Variants in COL5A1 observed in about 807,000 individuals in gnomAD.
The protein encoded by COL5A1 is collagen alpha-1(V) chain.
In COL5A1, 16 loss-of-function variants were observed where a neutral mutation model predicts 263.7. The observed-to-expected ratio is 0.06, with a 90% confidence interval of 0.04 to 0.09. COL5A1 has a LOEUF of 0.09. COL5A1 is among the 10% of genes least tolerant of loss of function. The pLI, the probability that COL5A1 is intolerant of heterozygous loss-of-function variation, is 1.00. For missense variants in COL5A1, 2,036 were observed against 2,540.5 expected (o/e 0.80, Z 4.27); for synonymous variants, 1,012 against 1,004.5 (o/e 1.01, Z -0.14).
chr9:134,752,733 G>T, intron 14 of COL5A1, 88 bp downstream of exon 14: 1 of 1,060,238 alleles, frequency 9.4e-7, no homozygotes, highest in East Asian at 2.5e-5. Context: ...AGGTGGCCCT[G>T]GGGTCCTGTG....
At chr9:134,822,778 C>A (rs1443865706) in intron 59 of COL5A1, 7 of 632,710 alleles carry the variant, frequency 1.1e-5, no homozygotes, top group South Asian at 1.1e-4. Context: ...GTAGGCTGGC[C>A]GGGGGCAGGT....
At chr9:134,730,852 G>A (rs1834854007) in intron 7 of COL5A1, among the ~76,000 whole-genome samples, 1 of 152,198 alleles carries the variant, frequency 6.6e-6, no homozygotes, top group Non-Finnish European at 1.5e-5. Flanking sequence ...CAGGCAGGAT[G>A]GGGCTGGGAG....
intron 4 of COL5A1, chr9:134,709,312 G>A: frequency 4.9e-6 from 1 of 206,036 alleles, no homozygotes; most frequent in Non-Finnish European, 8.9e-6. Flanking sequence ...GCTGAGGAGG[G>A]GTGGGGGGGC....
chr9:134,733,997 T>A (rs769975045), intron 9 of COL5A1, among the ~76,000 whole-genome samples: 12 of 152,110 alleles, frequency 7.9e-5, no homozygotes, highest in Non-Finnish European at 1.5e-4. Context: ...CAGTTCGGTT[T>A]CCCCTCCCCG....
rs10121103 is a variant in COL5A1, at chr9:134,754,142, C to T, written c.1774-131C>T. The T allele has an allele frequency of 0.053, 52,738 of 992,216 alleles. 1,846 individuals are homozygous for T. The highest frequency in any genetic ancestry group is 0.13 in the African/African-American group (8,123 of 63,100). The allele number at this position is 992,216 out of a possible 1,614,324, so 61.5% of individuals were successfully genotyped here. On this transcript the variant is annotated intron_variant, in intron 15 of 65. Coordinates refer to ENST00000371817, the MANE Select transcript of COL5A1 (RefSeq NM_000093.5). This position sits in a 1 kb window ranked among gnomAD's most constrained non-coding sequence, Gnocchi z 4.3. Reference sequence around the variant, plus strand: ...GGGCAGCAGATCCGTGTCCCGTCCCCGAAGTGCCCACATGTTTGTGGCTTG... The same window carrying T: ...GGGCAGCAGATCCGTGTCCCGTCCCTGAAGTGCCCACATGTTTGTGGCTTG...
intron 37 of COL5A1, among the ~76,000 whole-genome samples, chr9:134,801,625 A>G (rs1838117229): frequency 6.6e-6 from 1 of 152,134 alleles, no homozygotes; most frequent in South Asian, 2.1e-4. Flanking sequence ...TGTCTCTACT[A>G]AAAATACAAA....
At chr9:134,704,757 G>A (rs1009283276) in intron 4 of COL5A1, among the ~76,000 whole-genome samples, 2 of 151,718 alleles carry the variant, frequency 1.3e-5, no homozygotes, top group African/African-American at 4.8e-5. Context: ...AGTCCAGCAG[G>A]ATCAGCGATG....
intron 4 of COL5A1, among the ~76,000 whole-genome samples, chr9:134,702,568 G>A (rs956250715): frequency 3.3e-5 from 5 of 152,228 alleles, no homozygotes; most frequent in African/African-American, 4.8e-5. Context: ...GACATCACAC[G>A]TACTAGTTCA....
rs1027138472 is a variant in COL5A1, at chr9:134,678,484, G to A, written c.110-12428G>A. ...GTGTCCCTGACTCAGGGGTCCCATC[G>A]GCAGGTGTGTTGGCTGGTGCCAGCC... On this transcript the variant is annotated intron_variant, in intron 1 of 65. Coordinates refer to ENST00000371817, the MANE Select transcript of COL5A1 (RefSeq NM_000093.5). This position sits in a 1 kb window ranked among gnomAD's most constrained non-coding sequence, Gnocchi z 5.5. 2.0e-5 allele frequency among the ~76,000 whole-genome samples: 3 copies of A among 152,332 alleles called. No individual in the cohort carries two copies. In the East Asian group the frequency reaches 5.8e-4, roughly 29 times the overall value.
At chr9:134,708,180 T>C (rs1319140693) in intron 4 of COL5A1, among the ~76,000 whole-genome samples, 5 of 152,072 alleles carry the variant, frequency 3.3e-5, no homozygotes, top group African/African-American at 1.2e-4. Flanking sequence ...ACTTCGGACA[T>C]GAGATGGATG....
chr9:134,757,429 T>C lies in COL5A1; in HGVS notation c.1881+611T>C, dbSNP rs920689092. Among the ~76,000 whole-genome samples the C allele has an allele frequency of 6.6e-6, 1 of 152,162 alleles. No homozygotes were observed. The highest frequency in any genetic ancestry group is 2.4e-5 in the African/African-American group (1 of 41,434). On this transcript the variant is annotated intron_variant, in intron 17 of 65. Transcript: ENST00000371817. This position sits in a 1 kb window ranked among gnomAD's most constrained non-coding sequence, Gnocchi z 6.2. ...ACGGGGGGCAGGGGAGATACTGACC[T>C]TCCGTGAAGAGTGCACCTGGGGACA...
At chr9:134,743,692 G>A (rs1475765077) in intron 11 of COL5A1, among the ~76,000 whole-genome samples, 1 of 152,218 alleles carries the variant, frequency 6.6e-6, no homozygotes, top group Admixed American at 6.5e-5. Context: ...ATGTGCAGAA[G>A]CAGCCTGGCA....
At position 134,843,901 on chromosome 9, in the gene COL5A1, C is replaced by CGGGGCGGGTGA. The variant is rs1830172578; in HGVS notation, c.*1601_*1611dup. 1 of 152,490 alleles carries CGGGGCGGGTGA rather than the reference C, an allele frequency of 6.6e-6. No homozygotes were observed. The highest frequency in any genetic ancestry group is 2.1e-4 in the South Asian group (1 of 4,828). 9.4% of individuals were successfully genotyped at this position (152,490 alleles called of 1,614,324 possible). On this transcript the variant is annotated 3_prime_UTR_variant, in exon 66 of 66. Coordinates refer to ENST00000371817, the MANE Select transcript of COL5A1 (RefSeq NM_000093.5). ...TGCGAGCGTCAGCGGCTCCAGAGCT[C>CGGGGCGGGTGA]GGGGCGGGTGAGGTCCCCTTTGGGG... is the stretch of plus-strand genomic sequence containing the variant.
At chr9:134,782,986 AG>A (rs1483936537) in intron 29 of COL5A1, among the ~76,000 whole-genome samples, 1 of 152,162 alleles carries the variant, frequency 6.6e-6, no homozygotes, top group Non-Finnish European at 1.5e-5. Flanking sequence ...TGTCCCACAC[AG>A]GGGGTCAGTG....
At chr9:134,674,209 GTATGTGAGCACTCATGTGCTGTGT>G (rs1023563754) in intron 1 of COL5A1, among the ~76,000 whole-genome samples, 5 of 152,186 alleles carry the variant, frequency 3.3e-5, no homozygotes, top group African/African-American at 1.2e-4. Flanking sequence ...ACAGAGACAT[GTATGTGAGCACTCATGTGCTGTGT>G]TATTGCAATA....
Position 134,758,156 on chromosome 9 carries a change from G to T in COL5A1, c.1882-87G>T. ...TGCTGTGTGAAACGTGGTCCAAGGCGGGGCGGCCATCACTTGGTGGACACC... is the reference window on the plus strand; with the variant it reads ...TGCTGTGTGAAACGTGGTCCAAGGCTGGGCGGCCATCACTTGGTGGACACC... On this transcript the variant is annotated intron_variant, in intron 17 of 65. Transcript: ENST00000371817. This position sits in a 1 kb window ranked among gnomAD's most constrained non-coding sequence, Gnocchi z 4.1. 2 of 1,370,914 alleles carry T rather than the reference G, an allele frequency of 1.5e-6. No homozygotes were observed. Among genetic ancestry groups the T allele is most frequent in the Non-Finnish European group, 2.1e-6 (2 of 960,600 alleles). The allele number at this position is 1,370,914 out of a possible 1,614,324, so 84.9% of individuals were successfully genotyped here. A position where few individuals can be genotyped will look rare whatever the true frequency, so the allele number is the denominator to read the frequency against.
intron 62 of COL5A1, 102 bp downstream of exon 62, chr9:134,824,957 A>T (rs944501095): frequency 8.2e-6 from 12 of 1,456,452 alleles, no homozygotes; most frequent in Middle Eastern, 4.8e-4. Flanking sequence ...AGCGGAAGGG[A>T]CAGGACGGGC....
At chr9:134,835,320 G>A (rs1018061669) in intron 65 of COL5A1, 116 bp downstream of exon 65, 38 of 901,436 alleles carry the variant, frequency 4.2e-5, no homozygotes, top group Non-Finnish European at 5.2e-5. Flanking sequence ...TGAGGGCCCC[G>A]GACCAGACTC....
In COL5A1 at chr9:134,758,255, T is replaced by G; in HGVS notation, c.1894T>G (p.Phe632Val). ...GQTGPKGDRG[F>V]DGLAGLPGEK... ...GTCCTTTTTGCAGGGTGACCGGGGT[T>G]TCGACGGCCTGGCTGGGTTGCCAGG... The change falls in exon 18 of 66, where the codon TTC (phenylalanine) becomes GTC (valine). Residue 632 changes from phenylalanine (F) to valine (V), a missense_variant. Physicochemically the swap from Phe to Val is conservative, Grantham distance 50. Coordinates refer to ENST00000371817, the MANE Select transcript of COL5A1 (RefSeq NM_000093.5). This position sits in a 1 kb window ranked among gnomAD's most constrained non-coding sequence, Gnocchi z 4.1. 6.2e-7 allele frequency: 1 copy of G among 1,614,014 alleles called. No individual in the cohort carries two copies. The highest frequency in any genetic ancestry group is 1.1e-5 in the South Asian group (1 of 91,068).
Sources: gnomAD v4.1 joint callset for allele counts (sites outside exome capture counted in the v4.1 genomes callset) on GRCh38, gnomAD v4.1.1 for gene constraint, Gnocchi (gnomAD v3.1) non-coding constraint, MANE v1.5 for transcripts, NCBI Gene and HGNC (gene_info 2026-07-23, HGNC 2026-07-21) for gene names.